Variants in UNC5D observed in about 807,000 individuals in gnomAD.
UNC5D encodes unc-5 netrin receptor D, also known as netrin receptor UNC5D.
In UNC5D, 39 loss-of-function variants were observed where a neutral mutation model predicts 105.4. The ratio of observed to expected loss-of-function variants is 0.37; its 90% CI spans 0.29 to 0.48. The LOEUF is 0.48. Among genes scored for constraint, UNC5D ranks in the 20% least tolerant of loss-of-function variants. The probability of loss-of-function intolerance (pLI) is 0.98; values close to 1 mark genes in which losing one functional copy is unlikely to be tolerated. For missense variants in UNC5D, 991 were observed against 1,202.4 expected, an observed-to-expected ratio of 0.82 and a Z score of 2.60; for synonymous variants, 452 against 450.4, an observed-to-expected ratio of 1.00 and a Z score of -0.04.
chr8:35,578,449 G>A (rs2589747), intron 3 of UNC5D, among the ~76,000 whole-genome samples: 15,886 of 152,008 alleles, frequency 0.1, 888 homozygotes, highest in African/African-American at 0.14. Flanking sequence ...CAGGAATATA[G>A]GAAGCCACCA....
intron 4 of UNC5D, among the ~76,000 whole-genome samples, chr8:35,620,201 A>G (rs1430470560): frequency 6.6e-6 from 1 of 152,168 alleles, no homozygotes; most frequent in Non-Finnish European, 1.5e-5. Context: ...CTTGATCCAC[A>G]TTCTCCCTGA....
intron 11 of UNC5D, among the ~76,000 whole-genome samples, chr8:35,745,884 T>A (rs544564796): frequency 6.6e-6 from 1 of 152,016 alleles, no homozygotes. Flanking sequence ...ATGTGTTACC[T>A]TTTTTTTCCC....
chr8:35,268,758 C>A (rs1160955602), intron 1 of UNC5D, among the ~76,000 whole-genome samples: 1 of 152,022 alleles, frequency 6.6e-6, no homozygotes, highest in African/African-American at 2.4e-5. Context: ...GCTCATAACA[C>A]CCCTATGAAA....
intron 4 of UNC5D, among the ~76,000 whole-genome samples, chr8:35,663,802 T>C (rs1824259030): frequency 6.6e-6 from 1 of 152,184 alleles, no homozygotes; most frequent in Non-Finnish European, 1.5e-5. Context: ...AAGTATGGTA[T>C]AGTTATTTAT....
intron 1 of UNC5D, among the ~76,000 whole-genome samples, chr8:35,267,208 A>G (rs1195466156): frequency 6.6e-6 from 1 of 152,054 alleles, no homozygotes; most frequent in Non-Finnish European, 1.5e-5. Context: ...ATGGCGGAAA[A>G]AGAATTTTTC....
chr8:35,773,205 G>T (rs541253097), intron 15 of UNC5D, among the ~76,000 whole-genome samples: 2 of 152,190 alleles, frequency 1.3e-5, no homozygotes, highest in African/African-American at 4.8e-5. Context: ...AAACTTCTTA[G>T]CAACCACTGC....
chr8:35,392,667 G>A lies in UNC5D; in HGVS notation c.104-156625G>A, dbSNP rs564508623. Among the ~76,000 whole-genome samples the A allele has an allele frequency of 2.0e-5, 3 of 152,150 alleles. No homozygotes were observed. The South Asian group carries it at 6.2e-4, about 32-fold the overall frequency. ...ACTCTACCCATTACAAAGTCACATC[G>A]GCAAAGTCCCTTTTGCCATATAAAG... On this transcript the variant is annotated intron_variant, in intron 1 of 16. Coordinates refer to ENST00000404895, the MANE Select transcript of UNC5D (RefSeq NM_080872.4).
chr8:35,550,631 C>T (rs1035281875), intron 2 of UNC5D, among the ~76,000 whole-genome samples: 1 of 152,110 alleles, frequency 6.6e-6, no homozygotes, highest in African/African-American at 2.4e-5. Flanking sequence ...GTGAACTTTA[C>T]ACATAATGAC....
chr8:35,724,712 G>A (rs1828766172), intron 9 of UNC5D, among the ~76,000 whole-genome samples: 1 of 152,194 alleles, frequency 6.6e-6, no homozygotes, highest in South Asian at 2.1e-4. Context: ...AGAGGCTAGG[G>A]CTTGAGATAA....
chr8:35,440,982 G>A (rs1184247530), intron 1 of UNC5D, among the ~76,000 whole-genome samples: 1 of 151,884 alleles, frequency 6.6e-6, no homozygotes, highest in Non-Finnish European at 1.5e-5. Flanking sequence ...GTAAGAGTCT[G>A]CATTTTATAT....
At chr8:35,721,386 G>T in intron 8 of UNC5D, 1 of 702,588 alleles carries the variant, frequency 1.4e-6, no homozygotes, top group Non-Finnish European at 2.6e-6. Context: ...ATCTTGCGGG[G>T]TGGGGAGGCA....
At chr8:35,732,633 TA>T (rs1051562698) in intron 11 of UNC5D, among the ~76,000 whole-genome samples, 8 of 152,148 alleles carry the variant, frequency 5.3e-5, no homozygotes, top group Non-Finnish European at 1.2e-4. Flanking sequence ...ACATATGCTT[TA>T]AAACATATCA....
chr8:35,250,643 T>G (rs1803630324), intron 1 of UNC5D, among the ~76,000 whole-genome samples: 1 of 152,150 alleles, frequency 6.6e-6, no homozygotes, highest in African/African-American at 2.4e-5. Context: ...TACAGGTGCA[T>G]GCCACCATGT....
intron 3 of UNC5D, among the ~76,000 whole-genome samples, chr8:35,586,029 T>C (rs570833577): frequency 6.6e-6 from 1 of 152,166 alleles, no homozygotes; most frequent in East Asian, 1.9e-4. Context: ...TCCCCGCACT[T>C]TGGGAGGCCG....
At chr8:35,323,320 G>A (rs942583085) in intron 1 of UNC5D, among the ~76,000 whole-genome samples, 3 of 151,528 alleles carry the variant, frequency 2.0e-5, no homozygotes, top group African/African-American at 7.3e-5. Flanking sequence ...AAAAGGAGTG[G>A]CTACCTAATT....
At chr8:35,245,493 A>G (rs55946338) in intron 1 of UNC5D, among the ~76,000 whole-genome samples, 21,399 of 152,106 alleles carry the variant, frequency 0.14, 1,861 homozygotes, top group Non-Finnish European at 0.2. Context: ...TGTTTCTCTT[A>G]AAAAAAGCAA....
At chr8:35,736,500 C>G (rs1829476406) in intron 11 of UNC5D, among the ~76,000 whole-genome samples, 1 of 152,168 alleles carries the variant, frequency 6.6e-6, no homozygotes, top group African/African-American at 2.4e-5. Context: ...ATGGTTTCAA[C>G]AAGCATAATT....
intron 8 of UNC5D, among the ~76,000 whole-genome samples, chr8:35,709,456 T>G (rs1018077001): frequency 6.6e-6 from 1 of 152,034 alleles, no homozygotes; most frequent in African/African-American, 2.4e-5. Flanking sequence ...TGGGGAGGCC[T>G]AGACAGGTAG....
chr8:35,427,149 C>A (rs1806306499), intron 1 of UNC5D, among the ~76,000 whole-genome samples: 1 of 152,184 alleles, frequency 6.6e-6, no homozygotes, highest in Non-Finnish European at 1.5e-5. Context: ...AGGGTTCCCC[C>A]CAACTACCCC....
Sources: allele counts gnomAD v4.1 joint callset (sites outside exome capture counted in the v4.1 genomes callset), GRCh38; gene constraint gnomAD v4.1.1; transcripts MANE v1.5; gene names NCBI Gene and HGNC (gene_info 2026-07-23, HGNC 2026-07-21).